The following RAPGEF1 variants were observed in gnomAD, a reference collection of about 807,000 sequenced individuals.
RAPGEF1 encodes CRK SH3-binding GNRP.
In RAPGEF1, 33 loss-of-function variants were observed where a neutral mutation model predicts 143.3. The observed-to-expected ratio is 0.23, with a 90% CI of 0.17 to 0.31. The LOEUF (loss-of-function observed/expected upper bound fraction) is 0.31. RAPGEF1 is among the 10% of genes least tolerant of loss of function. RAPGEF1 has a pLI of 1.00. For synonymous variants in RAPGEF1, 629 were observed against 676.5 expected, an observed-to-expected ratio of 0.93 and a Z score of 1.09; for missense variants, 1,199 against 1,645.4, an observed-to-expected ratio of 0.73 and a Z score of 4.69.
chr9:131,662,374 A>G (rs1307609310), intron 1 of RAPGEF1, among the ~76,000 whole-genome samples: 1 of 151,484 alleles, frequency 6.6e-6, no homozygotes, highest in Non-Finnish European at 1.5e-5. Flanking sequence ...CTTATCCTTC[A>G]TTTTCCCCCA....
intron 5 of RAPGEF1, among the ~76,000 whole-genome samples, chr9:131,634,443 TG>T: frequency 6.6e-6 from 1 of 152,122 alleles, no homozygotes; most frequent in South Asian, 2.1e-4. Flanking sequence ...TCGGGCGCGG[TG>T]GTTCACGCCT....
At chr9:131,670,521 T>A (rs1174965077) in intron 1 of RAPGEF1, among the ~76,000 whole-genome samples, 1 of 152,178 alleles carries the variant, frequency 6.6e-6, no homozygotes, top group East Asian at 1.9e-4. Flanking sequence ...AGAAAAGACT[T>A]CCAGGCCAGG....
chr9:131,603,742 C>T (rs1010242396), intron 14 of RAPGEF1, among the ~76,000 whole-genome samples: 12 of 152,310 alleles, frequency 7.9e-5, no homozygotes, highest in Middle Eastern at 3.4e-3. Context: ...GAGTGCCACA[C>T]GCACTGAAGC....
intron 19 of RAPGEF1, 77 bp from the exon 20 acceptor site, chr9:131,589,063 C>A (rs1264213980): frequency 2.1e-6 from 3 of 1,415,236 alleles, no homozygotes; most frequent in African/African-American, 2.8e-5. Context: ...TTGAGACACA[C>A]AAAGGGCACG....
At chr9:131,588,590 G>A (rs550513976) in intron 20 of RAPGEF1, among the ~76,000 whole-genome samples, 1 of 152,172 alleles carries the variant, frequency 6.6e-6, no homozygotes, top group Admixed American at 6.5e-5. Flanking sequence ...CCTGCTGCCC[G>A]CTTCCTGGTC....
intron 1 of RAPGEF1, among the ~76,000 whole-genome samples, chr9:131,687,332 A>G (rs1378166827): frequency 6.6e-6 from 1 of 152,198 alleles, no homozygotes; most frequent in African/African-American, 2.4e-5. Context: ...CTGGGACTAC[A>G]AGCGTGCACC....
At chr9:131,676,893 C>T (rs1297910717) in intron 1 of RAPGEF1, among the ~76,000 whole-genome samples, 1 of 152,202 alleles carries the variant, frequency 6.6e-6, no homozygotes, top group Non-Finnish European at 1.5e-5. Context: ...AATGCAAATT[C>T]TTGGGCCCAT....
At chr9:131,631,327 C>T (rs945996598) in intron 5 of RAPGEF1, among the ~76,000 whole-genome samples, 5 of 152,220 alleles carry the variant, frequency 3.3e-5, no homozygotes, top group Non-Finnish European at 7.3e-5. Context: ...AAGGAAGCTC[C>T]GCATTCCCCT....
intron 1 of RAPGEF1, among the ~76,000 whole-genome samples, chr9:131,680,916 G>T (rs549867918): frequency 1.3e-5 from 2 of 152,146 alleles, no homozygotes; most frequent in Non-Finnish European, 2.9e-5. Context: ...TCGAATCCAG[G>T]TGGAGGGGTC....
chr9:131,627,213 C>CAAAAAAAAAAAAA (rs10690802), intron 9 of RAPGEF1, among the ~76,000 whole-genome samples: 17 of 97,398 alleles, frequency 1.7e-4, no homozygotes, highest in South Asian at 1.7e-3. Context: ...GGCTCTGTCT[C>CAAAAAAAAAAAAA]AAAAAAAAAA....
At chr9:131,618,322 AG>A (rs1207133724) in intron 12 of RAPGEF1, among the ~76,000 whole-genome samples, 5 of 152,358 alleles carry the variant, frequency 3.3e-5, no homozygotes, top group African/African-American at 1.2e-4. Context: ...CTCAGGTCCC[AG>A]GGATGTCAGT....
chr9:131,689,831 C>G (rs544518772), intron 1 of RAPGEF1, among the ~76,000 whole-genome samples: 1 of 152,338 alleles, frequency 6.6e-6, no homozygotes, highest in East Asian at 1.9e-4. Context: ...AGCCACCGCG[C>G]TTGGCCAGTA....
At chr9:131,631,107 C>CT (rs1396317526) in intron 5 of RAPGEF1, among the ~76,000 whole-genome samples, 1 of 152,162 alleles carries the variant, frequency 6.6e-6, no homozygotes, top group Admixed American at 6.5e-5. Context: ...TCATAGATTA[C>CT]TTTTGCCTGT....
chr9:131,640,304 G>A (rs1222024006), intron 4 of RAPGEF1, among the ~76,000 whole-genome samples: 1 of 152,208 alleles, frequency 6.6e-6, no homozygotes, highest in Admixed American at 6.5e-5. Flanking sequence ...TGCTGTAGGA[G>A]GATTCCACCG....
chr9:131,701,345 C>T (rs141880441), intron 1 of RAPGEF1, among the ~76,000 whole-genome samples: 14 of 152,264 alleles, frequency 9.2e-5, no homozygotes, highest in Admixed American at 2.0e-4. Context: ...AAAACTACAC[C>T]CATACTTCTC....
chr9:131,732,881 ATC>A (rs1392083317), intron 1 of RAPGEF1, among the ~76,000 whole-genome samples: 1 of 152,218 alleles, frequency 6.6e-6, no homozygotes, highest in Non-Finnish European at 1.5e-5. Context: ...GGAGCTAATC[ATC>A]TGTTTAACAT....
intron 1 of RAPGEF1, among the ~76,000 whole-genome samples, chr9:131,652,488 A>G (rs1169932263): frequency 2.6e-5 from 4 of 151,998 alleles, no homozygotes; most frequent in Admixed American, 2.6e-4. Flanking sequence ...CTTTCTTTAT[A>G]TCCTTATTCT....
At chr9:131,733,661 C>G (rs563894192) in intron 1 of RAPGEF1, among the ~76,000 whole-genome samples, 7 of 152,068 alleles carry the variant, frequency 4.6e-5, no homozygotes, top group Non-Finnish European at 7.4e-5. Context: ...AGAGGAACAC[C>G]TGTCCCGGCG....
In RAPGEF1 at chr9:131,663,937, C is replaced by T. The variant is rs1013578016; in HGVS notation, c.62-12988G>A. Among the ~76,000 whole-genome samples, 5 of 152,192 alleles carry T rather than the reference C, an allele frequency of 3.3e-5. No homozygotes were observed. The East Asian group carries it at 7.7e-4, about 23-fold the overall frequency. ...AATCTTTATTTTACTGGTGGTTACA[C>T]ATTGGTGATTATTAATTATTCCTCG... On this transcript the variant is annotated intron_variant, in intron 1 of 26. Coordinates refer to ENST00000683357, the MANE Select transcript of RAPGEF1 (RefSeq NM_001377935.1).
Sources: gnomAD v4.1 joint callset for allele counts (sites outside exome capture counted in the v4.1 genomes callset) on GRCh38, gnomAD v4.1.1 for gene constraint, MANE v1.5 for transcripts, NCBI Gene and HGNC (gene_info 2026-07-23, HGNC 2026-07-21) for gene names.